Variants in MORC1 observed in about 807,000 individuals in gnomAD.
MORC1 encodes MORC family CW-type zinc finger protein 1.
MORC1 carries 59 observed loss-of-function variants against 134.9 expected under a neutral mutation model. The ratio of observed to expected loss-of-function variants is 0.44; its 90% CI spans 0.35 to 0.54. The LOEUF is 0.54. Ranked by LOEUF, MORC1 falls within the 20% of genes least tolerant of loss-of-function variation. MORC1 has a pLI of 0.00. For synonymous variants in MORC1, 395 were observed against 391.7 expected, an observed-to-expected ratio of 1.01 and a Z score of -0.10; for missense variants, 947 against 1,134.5, an observed-to-expected ratio of 0.83 and a Z score of 2.37.
intron 17 of MORC1, among the ~76,000 whole-genome samples, chr3:109,016,771 G>A (rs1029275045): frequency 6.6e-6 from 1 of 152,184 alleles, no homozygotes; most frequent in Non-Finnish European, 1.5e-5. Flanking sequence ...AGCTGAGGCA[G>A]GAGAATCGCT....
rs1947007384 is a variant in MORC1, at chr3:108,958,953, A to G, written c.*12T>C. The G allele has an allele frequency of 2.7e-6, 4 of 1,472,490 alleles. No individual in the cohort carries two copies. The highest frequency in any genetic ancestry group is 3.0e-5 in the African/African-American group (2 of 67,552). 91.2% of individuals were successfully genotyped at this position (1,472,490 alleles called of 1,614,324 possible). A position where few individuals can be genotyped will look rare whatever the true frequency, so the allele number is the denominator to read the frequency against. On this transcript the variant is annotated 3_prime_UTR_variant, in exon 28 of 28. Coordinates refer to ENST00000232603, the MANE Select transcript of MORC1 (RefSeq NM_014429.4). ...TTATTAGCATTTTTTAAAAGGTAAT[A>G]CCATCTCTGACTTAATTTTCCGAAG...
chr3:108,969,825 GC>G, intron 25 of MORC1, 103 bp from the exon 26 acceptor site: 1 of 1,139,932 alleles, frequency 8.8e-7, no homozygotes, highest in South Asian at 1.3e-5. Context: ...AAGCATCAAA[GC>G]CTAGAACTGG....
intron 15 of MORC1, among the ~76,000 whole-genome samples, chr3:109,034,645 CTCTT>C (rs776153607): frequency 4.6e-5 from 7 of 152,052 alleles, no homozygotes; most frequent in South Asian, 2.1e-4. Context: ...AGAAAGATGG[CTCTT>C]TCTATTACTA....
intron 14 of MORC1, among the ~76,000 whole-genome samples, chr3:109,037,030 A>T (rs1949395670): frequency 6.6e-6 from 1 of 152,170 alleles, no homozygotes; most frequent in Non-Finnish European, 1.5e-5. Flanking sequence ...GGTCAAAACA[A>T]CCCTTGACCA....
At chr3:109,087,301 C>T (rs1950632454) in intron 8 of MORC1, among the ~76,000 whole-genome samples, 1 of 152,120 alleles carries the variant, frequency 6.6e-6, no homozygotes, top group African/African-American at 2.4e-5. Context: ...TGTTTGCAAA[C>T]GACATGACTC....
chr3:109,089,701 TACC>T (rs1274233685), intron 8 of MORC1, among the ~76,000 whole-genome samples: 1 of 152,106 alleles, frequency 6.6e-6, no homozygotes, highest in Non-Finnish European at 1.5e-5. Flanking sequence ...TCCAAAAAAT[TACC>T]ACAACATAAA....
At chr3:109,082,247 A>T (rs936021923) in intron 8 of MORC1, among the ~76,000 whole-genome samples, 8 of 151,414 alleles carry the variant, frequency 5.3e-5, no homozygotes, top group African/African-American at 2.0e-4. Flanking sequence ...TAGGAGAAAA[A>T]TTTAAAAAAA....
At chr3:109,055,845 G>C (rs978529167) in intron 13 of MORC1, among the ~76,000 whole-genome samples, 1 of 152,130 alleles carries the variant, frequency 6.6e-6, no homozygotes, top group Non-Finnish European at 1.5e-5. Context: ...TGATAAGTGG[G>C]GTGAGGAACA....
chr3:108,967,842 G>A (rs543125194), intron 26 of MORC1, among the ~76,000 whole-genome samples: 4 of 152,000 alleles, frequency 2.6e-5, no homozygotes, highest in Non-Finnish European at 4.4e-5. Context: ...CAAGCGACAC[G>A]AAAATAGAGG....
intron 8 of MORC1, among the ~76,000 whole-genome samples, chr3:109,071,570 G>GA (rs978183416): frequency 4.0e-5 from 6 of 151,726 alleles, no homozygotes; most frequent in African/African-American, 9.7e-5. Context: ...GCTGACAAGG[G>GA]AAAAAAAATA....
chr3:109,056,606 C>T (rs752855623), intron 13 of MORC1, among the ~76,000 whole-genome samples: 3 of 152,206 alleles, frequency 2.0e-5, no homozygotes, highest in Non-Finnish European at 4.4e-5. Context: ...GTCCTTTTCA[C>T]TGGACTATAC....
intron 21 of MORC1, among the ~76,000 whole-genome samples, chr3:108,998,078 T>TG (rs1485670136): frequency 6.6e-6 from 1 of 152,154 alleles, no homozygotes; most frequent in Non-Finnish European, 1.5e-5. Flanking sequence ...TCATGTCTCT[T>TG]GGGGAGGTGG....
At chr3:108,989,054 T>C (rs1947976097) in intron 21 of MORC1, among the ~76,000 whole-genome samples, 1 of 152,158 alleles carries the variant, frequency 6.6e-6, no homozygotes, top group African/African-American at 2.4e-5. Flanking sequence ...GTATTTTCTT[T>C]GAAATAACAT....
At position 109,114,387 on chromosome 3, in the gene MORC1, G is replaced by C; in HGVS notation, c.116C>G (p.Ala39Gly). The C allele has an allele frequency of 1.2e-6, 2 of 1,611,576 alleles. No individual in the cohort carries two copies. The highest frequency in any genetic ancestry group is 1.7e-6 in the Non-Finnish European group (2 of 1,178,200). Residue 39 changes from alanine to glycine, a missense_variant, in exon 2 of 28, where the codon GCA becomes GGA. Physicochemically the swap from Ala to Gly is moderately conservative, Grantham distance 60. Around this residue, in one of 3 missense-constraint regions of MORC1, gnomAD observed 214 missense variants for 281.3 expected, o/e 0.76. Transcript: ENST00000232603. The stretch of plus-strand genomic sequence containing the variant: ...GTTGTTTACAGATAAACCTTACCTT[G>C]CATTGTCCAGCAATTCAGCCAGTGC... ...FGALAELLDNARDAGAERLDV... is the reference protein window; with the variant it reads ...FGALAELLDNGRDAGAERLDV...
chr3:109,034,273 G>A (rs946808588), intron 15 of MORC1, among the ~76,000 whole-genome samples: 12 of 152,088 alleles, frequency 7.9e-5, no homozygotes, highest in African/African-American at 2.7e-4. Context: ...GGTGCTCCCC[G>A]AGAGCTGTAT....
At chr3:108,976,794 A>C (rs1166698388) in intron 24 of MORC1, among the ~76,000 whole-genome samples, 1 of 152,322 alleles carries the variant, frequency 6.6e-6, no homozygotes, top group East Asian at 1.9e-4. Context: ...AGCAATAAAG[A>C]GTCTGCCTGT....
chr3:109,048,877 TACAG>T (rs1949755290), intron 14 of MORC1, among the ~76,000 whole-genome samples: 1 of 152,138 alleles, frequency 6.6e-6, no homozygotes, highest in Non-Finnish European at 1.5e-5. Flanking sequence ...TATCTCCAAA[TACAG>T]CCCGAGCTAC....
At chr3:109,013,776 A>C (rs963676565) in intron 17 of MORC1, among the ~76,000 whole-genome samples, 8 of 152,198 alleles carry the variant, frequency 5.3e-5, no homozygotes, top group Non-Finnish European at 8.8e-5. Context: ...CTGCAATGCA[A>C]CAGTGTTGGG....
At chr3:108,984,805 A>C (rs1459593749) in intron 22 of MORC1, 23 bp from the exon 23 acceptor site, 1 of 1,589,108 alleles carries the variant, frequency 6.3e-7, no homozygotes, top group African/African-American at 1.3e-5. Context: ...ATAGACAAAC[A>C]ATCGCATTTG....
Sources: allele counts gnomAD v4.1 joint callset (sites outside exome capture counted in the v4.1 genomes callset), GRCh38; gene constraint gnomAD v4.1.1; regional missense constraint gnomAD v4.1.1; transcripts MANE v1.5; gene names NCBI Gene and HGNC (gene_info 2026-07-23, HGNC 2026-07-21).